RNF180: variants seen among roughly 807,000 people sequenced by gnomAD.
The protein encoded by RNF180 is E3 ubiquitin-protein ligase RNF180.
Under a neutral mutation model 59.2 loss-of-function variants are expected in RNF180, and 38 were observed. The observed-to-expected ratio is 0.64, with a 90% CI of 0.50 to 0.84. RNF180 has a LOEUF of 0.84. Ranked by LOEUF, RNF180 falls within the 40% of genes least tolerant of loss-of-function variation. RNF180 has a pLI of 0.00. For synonymous variants in RNF180, 262 were observed against 240.3 expected (o/e 1.09, Z -0.84); for missense variants, 705 against 700.9 (o/e 1.01, Z -0.07).
At chr5:64,225,097 G>T (rs1015363665) in intron 5 of RNF180, among the ~76,000 whole-genome samples, 1 of 152,184 alleles carries the variant, frequency 6.6e-6, no homozygotes, top group South Asian at 2.1e-4. Context: ...AAGCCAGCTT[G>T]TTAGGGGAAA....
intron 2 of RNF180, among the ~76,000 whole-genome samples, chr5:64,203,120 G>A (rs1036530764): frequency 2.0e-5 from 3 of 152,180 alleles, no homozygotes; most frequent in Non-Finnish European, 4.4e-5. Context: ...GCTGTAGGAT[G>A]TATTGGGATG....
intron 6 of RNF180, among the ~76,000 whole-genome samples, chr5:64,326,611 G>T (rs1744655708): frequency 6.6e-6 from 1 of 152,062 alleles, no homozygotes; most frequent in African/African-American, 2.4e-5. Flanking sequence ...AATTTACTTT[G>T]TTTCATCCAT....
At chr5:64,355,843 T>C (rs1445194596) in intron 7 of RNF180, among the ~76,000 whole-genome samples, 2 of 151,858 alleles carry the variant, frequency 1.3e-5, no homozygotes, top group African/African-American at 4.8e-5. Context: ...GATTTACATA[T>C]GCAAAAGAAT....
chr5:64,366,548 T>C (rs1746455724), intron 7 of RNF180, among the ~76,000 whole-genome samples: 1 of 151,564 alleles, frequency 6.6e-6, no homozygotes, highest in Non-Finnish European at 1.5e-5. Context: ...TTTTCCAAGT[T>C]GCTTCTCTCC....
intron 5 of RNF180, among the ~76,000 whole-genome samples, chr5:64,280,676 G>T (rs773503625): frequency 1.3e-5 from 2 of 151,652 alleles, no homozygotes; most frequent in Non-Finnish European, 2.9e-5. Flanking sequence ...GTCTGTTTTT[G>T]TATCAGTACC....
At chr5:64,262,331 C>T (rs1001728870) in intron 5 of RNF180, among the ~76,000 whole-genome samples, 1 of 151,944 alleles carries the variant, frequency 6.6e-6, no homozygotes. Flanking sequence ...ATGACAAGAC[C>T]ATCAATTAAT....
intron 5 of RNF180, among the ~76,000 whole-genome samples, chr5:64,296,909 C>A (rs759552892): frequency 6.6e-6 from 1 of 152,092 alleles, no homozygotes; most frequent in Non-Finnish European, 1.5e-5. Context: ...CTTTGTGGAA[C>A]TCTCACACTT....
intron 5 of RNF180, among the ~76,000 whole-genome samples, chr5:64,318,141 T>G (rs562820529): frequency 1.3e-5 from 2 of 152,224 alleles, no homozygotes; most frequent in Non-Finnish European, 2.9e-5. Context: ...TATATGTTTT[T>G]TTCTATATAT....
intron 5 of RNF180, among the ~76,000 whole-genome samples, chr5:64,303,318 A>G (rs1743256818): frequency 6.6e-6 from 1 of 151,620 alleles, no homozygotes; most frequent in Admixed American, 6.6e-5. Flanking sequence ...TTCATGTGAA[A>G]GGAAGAGTCA....
intron 5 of RNF180, among the ~76,000 whole-genome samples, chr5:64,223,132 C>T (rs1390784217): frequency 6.6e-6 from 1 of 152,164 alleles, no homozygotes; most frequent in Non-Finnish European, 1.5e-5. Context: ...CTTCTGGAGG[C>T]TCTATAATAG....
intron 5 of RNF180, among the ~76,000 whole-genome samples, chr5:64,296,424 T>A (rs559290468): frequency 6.6e-6 from 1 of 152,208 alleles, no homozygotes; most frequent in Non-Finnish European, 1.5e-5. Context: ...CAAATTTTAT[T>A]GACTCAAGAC....
At chr5:64,343,751 C>G (rs1436925008) in intron 7 of RNF180, among the ~76,000 whole-genome samples, 2 of 151,486 alleles carry the variant, frequency 1.3e-5, no homozygotes, top group Admixed American at 1.3e-4. Flanking sequence ...TACTGCTAAC[C>G]AAGAATTCTT....
At chr5:64,193,999 T>C (rs1336683571) in intron 1 of RNF180, among the ~76,000 whole-genome samples, 2 of 152,098 alleles carry the variant, frequency 1.3e-5, no homozygotes, top group Non-Finnish European at 2.9e-5. Flanking sequence ...CACTTTAAAG[T>C]TACAAGTTTT....
rs752926345 is a variant in RNF180, at chr5:64,214,502, A to G, written c.1176A>G (p.Arg392=). Residue 392 remains arginine (R), a synonymous_variant, in exon 4 of 8, where the codon AGA becomes AGG. Transcript: ENST00000389100. ...NLRRKQRRRE[R]WLQKQGKYSG... Reference sequence around the variant, plus strand: ...GAAGGAAACAACGAAGGCGTGAAAGATGGCTACAGAAGCAGGTAATATTTT... The same window carrying G: ...GAAGGAAACAACGAAGGCGTGAAAGGTGGCTACAGAAGCAGGTAATATTTT... 2 of 1,613,166 alleles carry G rather than the reference A, an allele frequency of 1.2e-6. No individual in the cohort carries two copies. Among genetic ancestry groups the G allele is most frequent in the Middle Eastern group, 1.7e-4 (1 of 6,048 alleles).
chr5:64,246,378 A>T (rs1743163615), intron 5 of RNF180, among the ~76,000 whole-genome samples: 2 of 152,154 alleles, frequency 1.3e-5, no homozygotes, highest in Admixed American at 6.5e-5. Context: ...ACTAATAAAG[A>T]AGAAAAGACA....
rs191258714 is a variant in RNF180 at position 64,245,659 on chromosome 5, A to G, written c.1227+28263A>G. 1.5e-4 allele frequency among the ~76,000 whole-genome samples: 23 copies of G among 152,296 alleles called. No homozygotes were observed. The East Asian group carries it at 4.2e-3, about 28-fold the overall frequency. On this transcript the variant is annotated intron_variant, in intron 5 of 7. Transcript: ENST00000389100. Reference sequence around the variant, plus strand: ...ACAAAGAGACTTAGACTCCCACACAATACTAGAGGGAGACTTTAACACCCC... The same window carrying G: ...ACAAAGAGACTTAGACTCCCACACAGTACTAGAGGGAGACTTTAACACCCC...
intron 5 of RNF180, among the ~76,000 whole-genome samples, chr5:64,286,016 C>T (rs1030096648): frequency 4.6e-5 from 7 of 152,064 alleles, no homozygotes; most frequent in African/African-American, 1.7e-4. Flanking sequence ...GCTCAACCCC[C>T]CCTTCCCCAG....
chr5:64,269,262 T>A (rs1266712524), intron 5 of RNF180, among the ~76,000 whole-genome samples: 1 of 152,168 alleles, frequency 6.6e-6, no homozygotes, highest in Non-Finnish European at 1.5e-5. Context: ...AGACAGGGTC[T>A]CACTCTGTCA....
chr5:64,358,227 G>A (rs566345051), intron 7 of RNF180, among the ~76,000 whole-genome samples: 2 of 151,916 alleles, frequency 1.3e-5, no homozygotes, highest in African/African-American at 4.8e-5. Flanking sequence ...GCTGGTTATT[G>A]TGGCAGAGGA....
Sources: gnomAD v4.1 joint callset for allele counts (sites outside exome capture counted in the v4.1 genomes callset) on GRCh38, gnomAD v4.1.1 for gene constraint, MANE v1.5 for transcripts, NCBI Gene and HGNC (gene_info 2026-07-23, HGNC 2026-07-21) for gene names.